Variants in SUGCT observed in about 807,000 individuals in gnomAD.
The protein encoded by SUGCT is succinyl-CoA:glutarate-CoA transferase, also known as succinyl-CoA:glutarate CoA-transferase.
SUGCT carries 41 observed loss-of-function variants against 55.0 expected under a neutral mutation model. That is an observed-to-expected ratio of 0.74 (90% CI 0.58 to 0.97). SUGCT has a LOEUF of 0.97. Ranked by LOEUF, SUGCT falls within the 50% of genes least tolerant of loss-of-function variation. SUGCT has a pLI of 0.00. For missense variants in SUGCT, 568 were observed against 547.8 expected (o/e 1.04, Z -0.37); for synonymous variants, 187 against 200.4 (o/e 0.93, Z 0.56).
chr7:40,346,744 T>C (rs1423855412), intron 9 of SUGCT, among the ~76,000 whole-genome samples: 1 of 152,120 alleles, frequency 6.6e-6, no homozygotes, highest in Non-Finnish European at 1.5e-5. Flanking sequence ...AATGACGTCA[T>C]GAGGGTGGAG....
chr7:40,780,718 C>CA (rs1328887559), intron 13 of SUGCT, among the ~76,000 whole-genome samples: 1 of 149,838 alleles, frequency 6.7e-6, no homozygotes, highest in Non-Finnish European at 1.5e-5. Context: ...AAAAAATTGG[C>CA]AGGACTTGGA....
chr7:40,637,156 A>G (rs943849365), intron 12 of SUGCT, among the ~76,000 whole-genome samples: 10 of 152,224 alleles, frequency 6.6e-5, no homozygotes, highest in Non-Finnish European at 1.5e-4. Flanking sequence ...CCCTCCAGGG[A>G]AAACTCACTA....
the SUGCT span, among the ~76,000 whole-genome samples, chr7:40,910,789 C>T: frequency 6.6e-6 from 1 of 152,152 alleles, no homozygotes; most frequent in Admixed American, 6.5e-5. Flanking sequence ...CCCAGCATAG[C>T]CCATGGCACA....
At chr7:40,925,908 A>G in the SUGCT span, among the ~76,000 whole-genome samples, 1 of 152,138 alleles carries the variant, frequency 6.6e-6, no homozygotes, top group African/African-American at 2.4e-5. Context: ...AGCCTGGGCA[A>G]CATGGCGAAA....
intron 12 of SUGCT, among the ~76,000 whole-genome samples, chr7:40,697,789 C>T (rs1462989067): frequency 1.3e-5 from 2 of 152,152 alleles, no homozygotes; most frequent in Admixed American, 6.5e-5. Flanking sequence ...TTTCCTTCAC[C>T]GTGGTCTGAG....
chr7:41,003,652 G>A, the SUGCT span, among the ~76,000 whole-genome samples: 9 of 152,084 alleles, frequency 5.9e-5, no homozygotes, highest in African/African-American at 2.2e-4. Context: ...GGAGACTTCA[G>A]CCCAGCCCAC....
the SUGCT span, among the ~76,000 whole-genome samples, chr7:41,020,485 C>T: frequency 2.0e-5 from 3 of 152,172 alleles, no homozygotes; most frequent in Non-Finnish European, 4.4e-5. Context: ...AACAGGGCCA[C>T]AGTCTAAGAC....
chr7:40,499,183 G>A (rs1335474551), intron 12 of SUGCT: 3 of 455,050 alleles, frequency 6.6e-6, no homozygotes, highest in South Asian at 4.7e-5. Flanking sequence ...ATTGCTTTGG[G>A]TGAAGTACAA....
chr7:40,701,508 G>T (rs1206232374), intron 12 of SUGCT, among the ~76,000 whole-genome samples: 2 of 152,184 alleles, frequency 1.3e-5, no homozygotes, highest in Non-Finnish European at 2.9e-5. Context: ...CCCAACAAAC[G>T]ATGATATGCT....
At chr7:40,984,450 T>G in the SUGCT span, among the ~76,000 whole-genome samples, 1 of 152,180 alleles carries the variant, frequency 6.6e-6, no homozygotes, top group African/African-American at 2.4e-5. Flanking sequence ...ATACAGGTGA[T>G]GAAGCCAGAC....
At chr7:40,850,495 G>A (rs891073178) in intron 13 of SUGCT, among the ~76,000 whole-genome samples, 6 of 152,132 alleles carry the variant, frequency 3.9e-5, no homozygotes, top group Admixed American at 3.9e-4. Context: ...AAGGTAAAAG[G>A]GTATAAAATG....
intron 8 of SUGCT, among the ~76,000 whole-genome samples, chr7:40,290,508 G>A (rs1793672975): frequency 6.6e-6 from 1 of 152,118 alleles, no homozygotes; most frequent in Admixed American, 6.6e-5. Context: ...ATTAATTCAA[G>A]ATGGATTAAA....
At chr7:40,713,211 G>A (rs1050399996) in intron 12 of SUGCT, among the ~76,000 whole-genome samples, 5 of 152,200 alleles carry the variant, frequency 3.3e-5, no homozygotes, top group African/African-American at 4.8e-5. Flanking sequence ...GTAGTCTGGT[G>A]TAGACCTTCT....
intron 6 of SUGCT, among the ~76,000 whole-genome samples, chr7:40,208,616 C>A (rs1787143424): frequency 6.6e-6 from 1 of 151,824 alleles, no homozygotes; most frequent in South Asian, 2.1e-4. Context: ...GCGATCTCGG[C>A]TCACTGCAAC....
chr7:40,621,923 C>T (rs144317048), intron 12 of SUGCT, among the ~76,000 whole-genome samples: 12 of 152,324 alleles, frequency 7.9e-5, no homozygotes, highest in African/African-American at 2.6e-4. Flanking sequence ...ATTCCCTCCC[C>T]CAACTTCTGT....
At chr7:40,151,416 G>C (rs1788565507) in intron 1 of SUGCT, among the ~76,000 whole-genome samples, 1 of 152,188 alleles carries the variant, frequency 6.6e-6, no homozygotes, top group Non-Finnish European at 1.5e-5. Flanking sequence ...ACTGGCTTCA[G>C]CTGCCTTTTT....
At chr7:40,270,260 T>C (rs141815189) in intron 7 of SUGCT, among the ~76,000 whole-genome samples, 2 of 152,302 alleles carry the variant, frequency 1.3e-5, no homozygotes, top group Admixed American at 1.3e-4. Flanking sequence ...AAACACATAT[T>C]TTTAATTTCA....
At position 40,529,688 on chromosome 7, in the gene SUGCT, A is replaced by AT. The variant is rs200349258; in HGVS notation, c.1089+33311dup. Among the ~76,000 whole-genome samples, 228 of 151,946 alleles carry AT rather than the reference A, an allele frequency of 1.5e-3. 1 individual carries two copies. The highest frequency in any genetic ancestry group is 4.9e-3 in the African/African-American group (205 of 41,434). ...TTCCTTTTAATTGTAAAGTTAAAGG[A>AT]TTTTTTTTTCCATGTATAAGAAGAC... On this transcript the variant is annotated intron_variant, in intron 12 of 13. Transcript: ENST00000335693.
At chr7:40,573,223 A>G (rs905640415) in intron 12 of SUGCT, among the ~76,000 whole-genome samples, 1 of 152,182 alleles carries the variant, frequency 6.6e-6, no homozygotes, top group Admixed American at 6.5e-5. Context: ...CATCCAACCA[A>G]TACAGCAAAT....
Sources: allele counts gnomAD v4.1 joint callset (sites outside exome capture counted in the v4.1 genomes callset), GRCh38; gene constraint gnomAD v4.1.1; transcripts MANE v1.5; gene names NCBI Gene and HGNC (gene_info 2026-07-23, HGNC 2026-07-21).